Variants in GRM7 observed in about 807,000 individuals in gnomAD.
GRM7 encodes the protein glutamate metabotropic receptor 7, also known as metabotropic glutamate receptor 7.
Under a neutral mutation model 84.5 loss-of-function variants are expected in GRM7, and 35 were observed. That is an observed-to-expected ratio of 0.41 (90% CI 0.32 to 0.55). The LOEUF is 0.55. Among genes scored for constraint, GRM7 ranks in the 20% least tolerant of loss-of-function variants. The pLI is 0.19. For missense variants in GRM7, 1,003 were observed against 1,194.6 expected (o/e 0.84, Z 2.36); for synonymous variants, 487 against 455.1 (o/e 1.07, Z -0.89).
At chr3:6,923,538 A>T (rs185979654) in intron 1 of GRM7, among the ~76,000 whole-genome samples, 2 of 152,318 alleles carry the variant, frequency 1.3e-5, no homozygotes, top group Non-Finnish European at 2.9e-5. Flanking sequence ...GATTGTTCAA[A>T]GGGTCACCAA....
chr3:7,200,706 C>T (rs888226247), intron 2 of GRM7, among the ~76,000 whole-genome samples: 4 of 152,092 alleles, frequency 2.6e-5, no homozygotes, highest in African/African-American at 7.2e-5. Context: ...GTGATAATGA[C>T]GCTACTAGTT....
chr3:7,677,529 A>G (rs1700184340), intron 8 of GRM7, among the ~76,000 whole-genome samples: 1 of 152,194 alleles, frequency 6.6e-6, no homozygotes, highest in African/African-American at 2.4e-5. Flanking sequence ...TGCTATGTCA[A>G]GAGGATTCAG....
At chr3:7,299,734 C>T (rs1699933093) in intron 3 of GRM7, among the ~76,000 whole-genome samples, 1 of 151,420 alleles carries the variant, frequency 6.6e-6, no homozygotes, top group South Asian at 2.1e-4. Flanking sequence ...ATATTAGTAC[C>T]TATACTTCTA....
At position 7,557,735 on chromosome 3, in the gene GRM7, A is replaced by G. The variant is rs1217931794; in HGVS notation, c.1516-20687A>G. 3.3e-5 allele frequency among the ~76,000 whole-genome samples: 5 copies of G among 152,200 alleles called. No homozygotes were observed. The East Asian group carries it at 5.8e-4, about 18-fold the overall frequency. On this transcript the variant is annotated intron_variant, in intron 7 of 9. Transcript: ENST00000357716. ...TGTAAAAAACTTAAACTCATTAACAATCTTAATTTATAACTAAAATTATTA... is the reference window on the plus strand; with the variant it reads ...TGTAAAAAACTTAAACTCATTAACAGTCTTAATTTATAACTAAAATTATTA...
At chr3:7,503,847 T>C (rs1351065895) in intron 7 of GRM7, among the ~76,000 whole-genome samples, 1 of 152,134 alleles carries the variant, frequency 6.6e-6, no homozygotes, top group Non-Finnish European at 1.5e-5. Context: ...CTTTAATTAA[T>C]GAATGCAGAG....
chr3:6,973,170 T>C (rs551498655), intron 1 of GRM7, among the ~76,000 whole-genome samples: 182 of 152,334 alleles, frequency 1.2e-3, no homozygotes, highest in Non-Finnish European at 2.1e-3. Context: ...AGAAGTGCTT[T>C]GAGATTTTAT....
intron 1 of GRM7, among the ~76,000 whole-genome samples, chr3:7,052,201 T>A (rs1472993279): frequency 6.6e-6 from 1 of 151,666 alleles, no homozygotes; most frequent in Non-Finnish European, 1.5e-5. Context: ...TTGAGCTTGA[T>A]CATTTTCATT....
chr3:6,887,798 A>G (rs1239739148), intron 1 of GRM7, among the ~76,000 whole-genome samples: 1 of 152,186 alleles, frequency 6.6e-6, no homozygotes, highest in Non-Finnish European at 1.5e-5. Flanking sequence ...TCCTTGAGGA[A>G]TGGCCACACT....
At position 7,740,864 on chromosome 3, in the gene GRM7, C is replaced by T. The variant is rs17726576; in HGVS notation, c.*458C>T. On this transcript the variant is annotated 3_prime_UTR_variant, in exon 10 of 10. Coordinates refer to ENST00000357716, the MANE Select transcript of GRM7 (RefSeq NM_000844.4). ...TGTTTGTTTTCGAATGCCTTGTTTT[C>T]ATAGAGCCCTATTCTCTCAGACGGT... 2,284 of 154,116 alleles carry T rather than the reference C, an allele frequency of 0.015. 19 individuals carry two copies. Among genetic ancestry groups the T allele is most frequent in the Non-Finnish European group, 0.021 (1,466 of 69,066 alleles). 9.5% of individuals were successfully genotyped at this position (154,116 alleles called of 1,614,324 possible). A position where few individuals can be genotyped will look rare whatever the true frequency, so the allele number is the denominator to read the frequency against.
intron 2 of GRM7, among the ~76,000 whole-genome samples, chr3:7,169,706 C>T (rs538334819): frequency 2.2e-4 from 34 of 152,042 alleles, no homozygotes; most frequent in African/African-American, 8.2e-4. Context: ...GGTTTTGGGG[C>T]AATGGTTTGC....
At chr3:7,550,404 TTCTC>T (rs751320607) in intron 7 of GRM7, among the ~76,000 whole-genome samples, 4 of 141,036 alleles carry the variant, frequency 2.8e-5, no homozygotes, top group Admixed American at 7.0e-5. Context: ...TTTCTTTCTT[TTCTC>T]TCTCTCTCCC....
At chr3:7,220,402 A>G (rs1287970747) in intron 2 of GRM7, among the ~76,000 whole-genome samples, 1 of 152,240 alleles carries the variant, frequency 6.6e-6, no homozygotes, top group East Asian at 1.9e-4. Flanking sequence ...GCCAGACCAG[A>G]CAAATCAGGA....
intron 8 of GRM7, among the ~76,000 whole-genome samples, chr3:7,621,280 C>T (rs1273752852): frequency 6.6e-6 from 1 of 151,950 alleles, no homozygotes; most frequent in African/African-American, 2.4e-5. Flanking sequence ...TGTGGAGAGT[C>T]GAGAATTTCA....
chr3:7,502,236 C>T (rs1211901792), intron 7 of GRM7, among the ~76,000 whole-genome samples: 1 of 152,174 alleles, frequency 6.6e-6, no homozygotes, highest in Non-Finnish European at 1.5e-5. Flanking sequence ...CATATAACAA[C>T]AACAACTCTT....
intron 4 of GRM7, among the ~76,000 whole-genome samples, chr3:7,409,060 A>C (rs1695802593): frequency 6.6e-6 from 1 of 152,148 alleles, no homozygotes; most frequent in African/African-American, 2.4e-5. Context: ...TTCTGTTCCA[A>C]TGATAAATTG....
chr3:7,072,417 C>T (rs1237709487), intron 1 of GRM7, among the ~76,000 whole-genome samples: 2 of 152,128 alleles, frequency 1.3e-5, no homozygotes, highest in African/African-American at 2.4e-5. Context: ...TGTTGTGGCT[C>T]ATGCCTGTTA....
intron 7 of GRM7, among the ~76,000 whole-genome samples, chr3:7,462,330 A>C (rs531615227): frequency 6.6e-6 from 1 of 152,310 alleles, no homozygotes; most frequent in South Asian, 2.1e-4. Flanking sequence ...GCCTTGAAAT[A>C]ATTGGGTAAG....
intron 2 of GRM7, among the ~76,000 whole-genome samples, chr3:7,271,553 C>G (rs941202189): frequency 2.5e-5 from 3 of 121,610 alleles, no homozygotes; most frequent in Non-Finnish European, 3.3e-5. Context: ...AGTGAGAGAC[C>G]GCCTCAAATA....
intron 2 of GRM7, among the ~76,000 whole-genome samples, chr3:7,286,153 T>C (rs1418789586): frequency 1.3e-5 from 2 of 152,234 alleles, no homozygotes; most frequent in Non-Finnish European, 2.9e-5. Flanking sequence ...TGCTCAAAAC[T>C]CATAATCATA....
Sources: allele counts gnomAD v4.1 joint callset (sites outside exome capture counted in the v4.1 genomes callset), GRCh38; gene constraint gnomAD v4.1.1; transcripts MANE v1.5; gene names NCBI Gene and HGNC (gene_info 2026-07-23, HGNC 2026-07-21).